Variants in SAMD5 observed in about 807,000 individuals in gnomAD.
SAMD5 encodes the protein sterile alpha motif domain containing 5.
In SAMD5, 13 loss-of-function variants were observed where a neutral mutation model predicts 11.3. That is an observed-to-expected ratio of 1.15 (90% CI 0.75 to 1.83). SAMD5 has a LOEUF of 1.83. Ranked by LOEUF, SAMD5 falls within the 40% of genes most tolerant of loss-of-function variation. The probability of loss-of-function intolerance (pLI) is 0.00; values close to 1 mark genes in which losing one functional copy is unlikely to be tolerated. For missense variants in SAMD5, 255 were observed against 239.1 expected, an observed-to-expected ratio of 1.07 and a Z score of -0.44; for synonymous variants, 129 against 111.3, an observed-to-expected ratio of 1.16 and a Z score of -1.00.
the SAMD5 span, among the ~76,000 whole-genome samples, chr6:147,841,646 C>CT: frequency 6.6e-6 from 1 of 152,166 alleles, no homozygotes; most frequent in Non-Finnish European, 1.5e-5. Context: ...ATATGAAACC[C>CT]TCTGACCAGT....
At chr6:147,603,787 AC>A (rs747515673) in intron 1 of SAMD5, among the ~76,000 whole-genome samples, 20 of 151,486 alleles carry the variant, frequency 1.3e-4, no homozygotes, top group East Asian at 9.6e-4. Flanking sequence ...AAAAAACAAA[AC>A]AAAAAAAAAC....
the SAMD5 span, among the ~76,000 whole-genome samples, chr6:147,837,797 A>C: frequency 2.4e-3 from 359 of 152,286 alleles, 2 homozygotes; most frequent in African/African-American, 8.2e-3. Context: ...GTTTTCTTTC[A>C]AAGCATTTTA....
At chr6:147,595,294 C>T (rs1041826072) in intron 1 of SAMD5, among the ~76,000 whole-genome samples, 28 of 152,020 alleles carry the variant, frequency 1.8e-4, no homozygotes, top group Non-Finnish European at 2.6e-4. Context: ...GCTTTATATG[C>T]GATATATAAC....
chr6:147,933,395 T>A, the SAMD5 span, among the ~76,000 whole-genome samples: 3 of 152,170 alleles, frequency 2.0e-5, no homozygotes, highest in South Asian at 6.2e-4. Flanking sequence ...ATTAAGGAAT[T>A]TCACAGGAAT....
the SAMD5 span, among the ~76,000 whole-genome samples, chr6:147,766,830 G>T: frequency 6.6e-6 from 1 of 152,154 alleles, no homozygotes; most frequent in Non-Finnish European, 1.5e-5. Flanking sequence ...AGAGAATTAT[G>T]AAATAGCCAA....
chr6:147,812,834 A>G, the SAMD5 span, among the ~76,000 whole-genome samples: 7 of 152,334 alleles, frequency 4.6e-5, no homozygotes, highest in East Asian at 1.2e-3. Flanking sequence ...TGTTGTGGAT[A>G]TAAGTGACAG....
At chr6:147,717,439 C>G (rs1199514596) in intron 1 of SAMD5, among the ~76,000 whole-genome samples, 1 of 152,106 alleles carries the variant, frequency 6.6e-6, no homozygotes, top group African/African-American at 2.4e-5. Flanking sequence ...TTAGGCAGTG[C>G]AGTGAGGAAT....
chr6:147,918,328 G>T, the SAMD5 span, among the ~76,000 whole-genome samples: 1 of 152,100 alleles, frequency 6.6e-6, no homozygotes, highest in Non-Finnish European at 1.5e-5. Context: ...CGAAGCAGTT[G>T]TGAGTGGGAG....
At chr6:147,924,070 C>T in the SAMD5 span, among the ~76,000 whole-genome samples, 1 of 152,174 alleles carries the variant, frequency 6.6e-6, no homozygotes, top group Non-Finnish European at 1.5e-5. Context: ...TTCCCTTCCC[C>T]ATATACCTGT....
At chr6:147,635,105 C>A (rs935597141) in intron 1 of SAMD5, among the ~76,000 whole-genome samples, 1 of 152,118 alleles carries the variant, frequency 6.6e-6, no homozygotes, top group African/African-American at 2.4e-5. Flanking sequence ...GTGTACATAG[C>A]TTTGTTCCAT....
chr6:147,540,236 T>G (rs557546119), intron 1 of SAMD5, among the ~76,000 whole-genome samples: 3 of 152,200 alleles, frequency 2.0e-5, no homozygotes, highest in East Asian at 3.9e-4. Context: ...AAGGAATCAT[T>G]CCGGAAGCCA....
At chr6:147,512,678 C>G (rs550188201) in intron 1 of SAMD5, among the ~76,000 whole-genome samples, 2 of 152,192 alleles carry the variant, frequency 1.3e-5, no homozygotes, top group Non-Finnish European at 2.9e-5. Flanking sequence ...TGTAGCTTCT[C>G]TGACTGCTGT....
chr6:147,903,986 A>G, the SAMD5 span, among the ~76,000 whole-genome samples: 1 of 152,094 alleles, frequency 6.6e-6, no homozygotes, highest in Admixed American at 6.5e-5. Flanking sequence ...GTCCTAGAGT[A>G]TGGAGTCCCC....
At chr6:147,591,011 G>GTGTAT (rs1352160853) in intron 1 of SAMD5, among the ~76,000 whole-genome samples, 1 of 152,036 alleles carries the variant, frequency 6.6e-6, no homozygotes, top group Non-Finnish European at 1.5e-5. Flanking sequence ...TTTCTCCTGG[G>GTGTAT]TGTATTAGTG....
chr6:147,869,753 T>G, the SAMD5 span, among the ~76,000 whole-genome samples: 100 of 152,262 alleles, frequency 6.6e-4, 2 homozygotes, highest in East Asian at 0.015. Context: ...AGCTGGAGTG[T>G]AGTGGTGCAA....
At chr6:147,846,759 GC>G in the SAMD5 span, among the ~76,000 whole-genome samples, 1 of 152,190 alleles carries the variant, frequency 6.6e-6, no homozygotes, top group Admixed American at 6.5e-5. Context: ...GACAGAGGTT[GC>G]AGCACGCTGA....
the SAMD5 span, among the ~76,000 whole-genome samples, chr6:147,812,076 A>G: frequency 6.6e-6 from 1 of 152,172 alleles, no homozygotes; most frequent in African/African-American, 2.4e-5. Context: ...GGAGAGTCTC[A>G]GAAGCCTAGG....
the SAMD5 span, among the ~76,000 whole-genome samples, chr6:147,878,843 C>T: frequency 2.8e-4 from 43 of 152,036 alleles, no homozygotes; most frequent in Non-Finnish European, 5.6e-4. Flanking sequence ...CAAGCTCCAC[C>T]TCCTGGGTTC....
intron 1 of SAMD5, among the ~76,000 whole-genome samples, chr6:147,710,065 C>G (rs753073839): frequency 3.3e-5 from 5 of 152,218 alleles, no homozygotes; most frequent in Non-Finnish European, 7.3e-5. Context: ...TGCCTGTTGT[C>G]AGTCAGTCAG....
Sources: allele counts gnomAD v4.1 joint callset (sites outside exome capture counted in the v4.1 genomes callset), GRCh38; gene constraint gnomAD v4.1.1; transcripts MANE v1.5; gene names NCBI Gene and HGNC (gene_info 2026-07-23, HGNC 2026-07-21).